KIF13A: variants seen among roughly 807,000 people sequenced by gnomAD.
KIF13A encodes kinesin-like protein KIF13A.
In KIF13A, 79 loss-of-function variants were observed where a neutral mutation model predicts 212.2. The ratio of observed to expected loss-of-function variants is 0.37; its 90% CI spans 0.31 to 0.45. The LOEUF (loss-of-function observed/expected upper bound fraction) is 0.45. Ranked by LOEUF, KIF13A falls within the 20% of genes least tolerant of loss-of-function variation. The probability of loss-of-function intolerance (pLI) is 1.00; values close to 1 mark genes in which losing one functional copy is unlikely to be tolerated. For synonymous variants in KIF13A, 789 were observed against 808.6 expected (o/e 0.98, Z 0.41); for missense variants, 1,901 against 2,209.0 (o/e 0.86, Z 2.79).
At chr6:17,862,908 A>C (rs1768963767) in intron 4 of KIF13A, among the ~76,000 whole-genome samples, 1 of 152,176 alleles carries the variant, frequency 6.6e-6, no homozygotes, top group Admixed American at 6.5e-5. Flanking sequence ...AAATCGCGCC[A>C]CTGCACTCCA....
chr6:17,861,986 A>G (rs1021914381), intron 4 of KIF13A, among the ~76,000 whole-genome samples: 1 of 152,012 alleles, frequency 6.6e-6, no homozygotes, highest in African/African-American at 2.4e-5. Context: ...GAACTCACCC[A>G]TATTTTCTTC....
chr6:17,884,854 C>T (rs528546614), intron 3 of KIF13A, among the ~76,000 whole-genome samples: 25 of 152,306 alleles, frequency 1.6e-4, no homozygotes, highest in Non-Finnish European at 2.9e-4. Context: ...CTCTGAAAAG[C>T]CCCATTTCTC....
chr6:17,852,566 T>C (rs1236220528), intron 6 of KIF13A, among the ~76,000 whole-genome samples: 3 of 152,172 alleles, frequency 2.0e-5, no homozygotes, highest in Non-Finnish European at 4.4e-5. Flanking sequence ...TACAGGCCCA[T>C]GCCACTATGC....
chr6:17,985,929 C>T (rs1781515547), intron 2 of KIF13A, among the ~76,000 whole-genome samples: 3 of 152,192 alleles, frequency 2.0e-5, no homozygotes, highest in Non-Finnish European at 4.4e-5. Flanking sequence ...AACTGCTATG[C>T]TCAACACGAA....
rs1779472688 is a variant in KIF13A at position 17,967,953 on chromosome 6, G to A, written c.146+19101C>T. The stretch of plus-strand genomic sequence containing the variant: ...TTATTTAAAAATATAAATAAAAACA[G>A]GTTCAAAGCTATCCCCTGTAGACTG... On this transcript the variant is annotated intron_variant, in intron 2 of 38. Transcript: ENST00000259711. The surrounding 1 kb of genome is among the most constrained non-coding windows in gnomAD (Gnocchi z 4.1). Among the ~76,000 whole-genome samples the A allele has an allele frequency of 6.6e-6, 1 of 152,114 alleles. No homozygotes were observed. The highest frequency in any genetic ancestry group is 1.5e-5 in the Non-Finnish European group (1 of 68,018).
At chr6:17,937,918 T>C (rs1049299369) in intron 2 of KIF13A, among the ~76,000 whole-genome samples, 2 of 151,998 alleles carry the variant, frequency 1.3e-5, no homozygotes, top group African/African-American at 4.8e-5. Context: ...CCGGTTGAGT[T>C]TTGTATTTTT....
rs766491044 is a variant in KIF13A at position 17,799,449 on chromosome 6, TAAAC to T, written c.2617-14_2617-11del. The T allele has an allele frequency of 2.6e-6, 4 of 1,512,880 alleles. No individual in the cohort carries two copies. Among genetic ancestry groups the T allele is most frequent in the Non-Finnish European group, 3.6e-6 (4 of 1,126,404 alleles). The allele number at this position is 1,512,880 out of a possible 1,614,324, so 93.7% of individuals were successfully genotyped here. A position where few individuals can be genotyped will look rare whatever the true frequency, so the allele number is the denominator to read the frequency against. ...CTTCTTTAATTTTTACCTGAAGAGA[TAAAC>T]AATACAAATAAAACTCCAATGAACA... On this transcript the variant is annotated splice_polypyrimidine_tract_variant and intron_variant, in intron 21 of 38. Coordinates refer to ENST00000259711, the MANE Select transcript of KIF13A (RefSeq NM_022113.6). This position sits in a 1 kb window ranked among gnomAD's most constrained non-coding sequence, Gnocchi z 4.4.
chr6:17,799,325 C>G lies in KIF13A; in HGVS notation c.2731G>C (p.Glu911Gln). The change falls in exon 22 of 39, where the codon GAG becomes CAG. Residue 911 changes from glutamate (E) to glutamine (Q), a missense_variant. Physicochemically the swap from Glu to Gln is conservative, Grantham distance 29. Transcript: ENST00000259711. The surrounding 1 kb of genome is among the most constrained non-coding windows in gnomAD (Gnocchi z 4.4). Reference sequence around the variant, plus strand: ...TCCTTGGACTGTGGTGAAGGCACCTCGGGGTCCACCACCGGGGCAGCCACC... The same window carrying G: ...TCCTTGGACTGTGGTGAAGGCACCTGGGGGTCCACCACCGGGGCAGCCACC... Reference protein sequence around the residue: ...STVAAPVVDPEVPSPQSKDAQ... With the variant: ...STVAAPVVDPQVPSPQSKDAQ... 6.2e-7 allele frequency: 1 copy of G among 1,613,458 alleles called. No individual in the cohort carries two copies. The highest frequency in any genetic ancestry group is 1.1e-5 in the South Asian group (1 of 90,944).
intron 32 of KIF13A, among the ~76,000 whole-genome samples, 168 bp downstream of exon 32, chr6:17,779,424 C>T (rs1699960302): frequency 6.6e-6 from 1 of 151,418 alleles, no homozygotes; most frequent in South Asian, 2.1e-4. Context: ...AGGCATGCGC[C>T]ACCATGCCCA....
At chr6:17,803,008 A>G (rs1243007823) in intron 20 of KIF13A, among the ~76,000 whole-genome samples, 2 of 147,330 alleles carry the variant, frequency 1.4e-5, no homozygotes, top group East Asian at 4.0e-4. Flanking sequence ...ATCTTGGCTC[A>G]CTGCAACCTC....
chr6:17,788,710 T>A (rs867848880), intron 26 of KIF13A, among the ~76,000 whole-genome samples: 5 of 152,140 alleles, frequency 3.3e-5, no homozygotes, highest in African/African-American at 4.8e-5. Flanking sequence ...TCTGAAACTT[T>A]ACCAACAGTG....
chr6:17,800,336 T>C (rs2150332536), intron 20 of KIF13A, among the ~76,000 whole-genome samples: 1 of 151,964 alleles, frequency 6.6e-6, no homozygotes, highest in South Asian at 2.1e-4. Flanking sequence ...TCCCTGCAAC[T>C]TGCCTTCTGG....
At chr6:17,847,785 T>C (rs1767221603) in intron 9 of KIF13A, among the ~76,000 whole-genome samples, 1 of 152,194 alleles carries the variant, frequency 6.6e-6, no homozygotes, top group African/African-American at 2.4e-5. Flanking sequence ...ATTTTATCCC[T>C]AACAAATCGG....
chr6:17,837,369 G>A lies in KIF13A; in HGVS notation c.942+103C>T. 1.3e-6 allele frequency: 1 copy of A among 760,532 alleles called. No individual in the cohort carries two copies. The highest frequency in any genetic ancestry group is 2.7e-5 in the East Asian group (1 of 37,206). 47.1% of individuals were successfully genotyped at this position (760,532 alleles called of 1,614,324 possible). On this transcript the variant is annotated intron_variant, in intron 10 of 38. Transcript: ENST00000259711. The surrounding 1 kb of genome is among the most constrained non-coding windows in gnomAD (Gnocchi z 5.4). ...TAGGAATTAGAATAACTGTCATCAG[G>A]AGAGTTCTTTAGGTATTTGGTTAGC...
chr6:17,964,476 A>G (rs555740186), intron 2 of KIF13A, among the ~76,000 whole-genome samples: 1 of 152,302 alleles, frequency 6.6e-6, no homozygotes, highest in South Asian at 2.1e-4. Flanking sequence ...AAAAATTAAA[A>G]TAAGTACTAA....
At chr6:17,774,429 A>G (rs1759757915) in intron 35 of KIF13A, among the ~76,000 whole-genome samples, 1 of 152,192 alleles carries the variant, frequency 6.6e-6, no homozygotes, top group African/African-American at 2.4e-5. Context: ...TATGTGTGGT[A>G]CTGTCCTGGT....
chr6:17,953,394 TATTTCTCCTCTCTTAACC>T (rs1321317751), intron 2 of KIF13A, among the ~76,000 whole-genome samples: 1 of 152,176 alleles, frequency 6.6e-6, no homozygotes, highest in Non-Finnish European at 1.5e-5. Flanking sequence ...GATTTTTTAT[TATTTCTCCTCTCTTAACC>T]AGGAAGAAAA....
chr6:17,762,745 ATGG>A (rs1758644527), downstream of KIF13A, among the ~76,000 whole-genome samples: 1 of 152,222 alleles, frequency 6.6e-6, no homozygotes, highest in African/African-American at 2.4e-5. Context: ...GCTTGCAAGA[ATGG>A]TGGTGAGTGA....
intron 2 of KIF13A, among the ~76,000 whole-genome samples, chr6:17,962,205 G>A (rs564910385): frequency 3.3e-5 from 5 of 152,216 alleles, no homozygotes; most frequent in Admixed American, 6.5e-5. Context: ...CAGCTACTTG[G>A]GAGGCTGAGG....
Sources: allele counts gnomAD v4.1 joint callset (sites outside exome capture counted in the v4.1 genomes callset), GRCh38; gene constraint gnomAD v4.1.1; non-coding constraint Gnocchi (gnomAD v3.1); transcripts MANE v1.5; gene names NCBI Gene and HGNC (gene_info 2026-07-23, HGNC 2026-07-21).